The following RPS6KA2 variants were observed in gnomAD, a reference collection of about 807,000 sequenced individuals.
RPS6KA2 encodes the protein ribosomal protein S6 kinase alpha-2.
A neutral mutation model predicts 91.8 loss-of-function variants in RPS6KA2; 42 were observed. That is an observed-to-expected ratio of 0.46 (90% confidence interval 0.36 to 0.59). The LOEUF is 0.59. Ranked by LOEUF, RPS6KA2 falls within the 20% of genes least tolerant of loss-of-function variation. The probability of loss-of-function intolerance (pLI) is 0.00; values close to 1 mark genes in which losing one functional copy is unlikely to be tolerated. For synonymous variants in RPS6KA2, 414 were observed against 393.6 expected (o/e 1.05, Z -0.61); for missense variants, 798 against 978.5 (o/e 0.82, Z 2.46).
chr6:166,794,323 T>C (rs1413405897), intron 2 of RPS6KA2, among the ~76,000 whole-genome samples: 3 of 151,992 alleles, frequency 2.0e-5, no homozygotes, highest in African/African-American at 7.2e-5. Flanking sequence ...TCATACCAGT[T>C]AGAATGGCGA....
At chr6:166,823,870 G>A (rs1779966470) in intron 2 of RPS6KA2, among the ~76,000 whole-genome samples, 1 of 152,146 alleles carries the variant, frequency 6.6e-6, no homozygotes, top group Non-Finnish European at 1.5e-5. Flanking sequence ...CCACATGTTA[G>A]GGAAGACATA....
chr6:166,530,161 A>G (rs1783215079), intron 3 of RPS6KA2, among the ~76,000 whole-genome samples: 1 of 152,182 alleles, frequency 6.6e-6, no homozygotes, highest in African/African-American at 2.4e-5. Context: ...ACACTGTTGC[A>G]AGACCTAAAA....
At chr6:166,751,713 T>C (rs1791289925) in intron 2 of RPS6KA2, among the ~76,000 whole-genome samples, 1 of 152,256 alleles carries the variant, frequency 6.6e-6, no homozygotes, top group African/African-American at 2.4e-5. Flanking sequence ...GATCAAACTT[T>C]GCACCATTCG....
In RPS6KA2 at chr6:166,411,279, T is replaced by C. The variant is rs1250637840; in HGVS notation, c.*1483A>G. On this transcript the variant is annotated 3_prime_UTR_variant, in exon 21 of 21. Coordinates refer to ENST00000265678, the MANE Select transcript of RPS6KA2 (RefSeq NM_021135.6). This position sits in a 1 kb window ranked among gnomAD's most constrained non-coding sequence, Gnocchi z 4.5. ...GGAGGGGGAACAAAACCCAACAAAA[T>C]AACATCTTCTTAGGGAAAACCTGGC... is the stretch of plus-strand genomic sequence containing the variant. The C allele has an allele frequency of 6.6e-6, 1 of 151,620 alleles. No individual in the cohort carries two copies. Among genetic ancestry groups the C allele is most frequent in the African/African-American group, 2.4e-5 (1 of 41,208 alleles). The allele number at this position is 151,620 out of a possible 1,614,324, so 9.4% of individuals were successfully genotyped here. A position where few individuals can be genotyped will look rare whatever the true frequency, so the allele number is the denominator to read the frequency against.
chr6:166,703,277 C>A (rs1789582140), intron 2 of RPS6KA2, among the ~76,000 whole-genome samples: 1 of 152,230 alleles, frequency 6.6e-6, no homozygotes, highest in Non-Finnish European at 1.5e-5. Flanking sequence ...ACTATGGGAA[C>A]AGCTAGAAAC....
intron 2 of RPS6KA2, among the ~76,000 whole-genome samples, chr6:166,848,849 T>C (rs1386220201): frequency 6.6e-6 from 1 of 152,056 alleles, no homozygotes; most frequent in East Asian, 1.9e-4. Context: ...AAATCACCAC[T>C]AAAGAACTTA....
At chr6:166,450,790 G>C (rs1285586735) in intron 13 of RPS6KA2, among the ~76,000 whole-genome samples, 1 of 151,672 alleles carries the variant, frequency 6.6e-6, no homozygotes, top group Non-Finnish European at 1.5e-5. Flanking sequence ...GCCACCATGG[G>C]AGTATCCATG....
intron 2 of RPS6KA2, among the ~76,000 whole-genome samples, chr6:166,783,041 C>G (rs1449878151): frequency 6.8e-6 from 1 of 146,550 alleles, no homozygotes; most frequent in Non-Finnish European, 1.5e-5. Context: ...TGCAGGGTAT[C>G]TTTTAGGTAT....
chr6:166,501,356 C>T (rs1272171173), intron 6 of RPS6KA2, among the ~76,000 whole-genome samples: 1 of 152,224 alleles, frequency 6.6e-6, no homozygotes, highest in African/African-American at 2.4e-5. Flanking sequence ...CAAAGACCCC[C>T]TTCTTCTCCC....
In RPS6KA2 at chr6:166,431,471, GCA is replaced by G. The variant is rs148307272; in HGVS notation, c.1423-862_1423-861del. Among the ~76,000 whole-genome samples, 21 of 152,358 alleles carry G rather than the reference GCA, an allele frequency of 1.4e-4. No individual in the cohort carries two copies. The East Asian group carries it at 4.0e-3, about 29-fold the overall frequency. On this transcript the variant is annotated intron_variant, in intron 15 of 20. Transcript: ENST00000265678. ...AGCACTGAGTGGCCAGGCGCTGGGA[GCA>G]CAGAGAGGCTAGGCAGAGTCCAGGG...
intron 2 of RPS6KA2, among the ~76,000 whole-genome samples, chr6:166,669,184 G>C (rs185445510): frequency 2.0e-5 from 3 of 152,094 alleles, no homozygotes; most frequent in Non-Finnish European, 4.4e-5. Context: ...ATGAGCCCCC[G>C]TGCCTGGCCA....
At chr6:166,748,607 T>TCCTCAGGCCCCCA (rs1562416256) in intron 2 of RPS6KA2, among the ~76,000 whole-genome samples, 1 of 33,002 alleles carries the variant, frequency 3.0e-5, no homozygotes, top group African/African-American at 1.5e-4. Flanking sequence ...CAGGCCCCCA[T>TCCTCAGGCCCCCA]TTCCCTGGGC....
intron 2 of RPS6KA2, among the ~76,000 whole-genome samples, chr6:166,698,890 A>G (rs1466499645): frequency 2.0e-5 from 3 of 152,238 alleles, no homozygotes; most frequent in Non-Finnish European, 4.4e-5. Context: ...TTAAGTTTCC[A>G]GGATGACAAA....
At chr6:166,592,941 C>T (rs1376099436) in intron 1 of RPS6KA2, among the ~76,000 whole-genome samples, 4 of 152,178 alleles carry the variant, frequency 2.6e-5, no homozygotes, top group Non-Finnish European at 5.9e-5. Flanking sequence ...GTTTGAAACT[C>T]GAATTCAACA....
In RPS6KA2 at chr6:166,661,389, C is replaced by T. The variant is rs4710076; in HGVS notation, c.124-122605G>A. Among the ~76,000 whole-genome samples the T allele has an allele frequency of 7.2e-3, 1,093 of 152,170 alleles. 33 individuals carry two copies. In the East Asian group the frequency reaches 0.1, roughly 14 times the overall value. On this transcript the variant is annotated intron_variant, in intron 2 of 21. Transcript: ENST00000503859. ...TTCTAGGATTATAGGCATGAGCCAC[C>T]GCTGTATGGCCAAAATCTTTTACTA...
At chr6:166,420,035 T>A in intron 17 of RPS6KA2, 77 bp from the exon 18 acceptor site, 2 of 1,388,132 alleles carry the variant, frequency 1.4e-6, no homozygotes, top group East Asian at 4.7e-5. Context: ...TCCAGCGGCA[T>A]CCTACGCCGG....
At chr6:166,516,451 C>A (rs917520231) in intron 3 of RPS6KA2, among the ~76,000 whole-genome samples, 2 of 152,114 alleles carry the variant, frequency 1.3e-5, no homozygotes, top group Non-Finnish European at 2.9e-5. Context: ...AGTGACTGCA[C>A]ACAGTGGGAG....
chr6:166,649,544 A>G (rs571527755), intron 2 of RPS6KA2, among the ~76,000 whole-genome samples: 1 of 152,314 alleles, frequency 6.6e-6, no homozygotes, highest in East Asian at 1.9e-4. Flanking sequence ...ATGAGAGCCT[A>G]ATGTCACCCT....
intron 2 of RPS6KA2, among the ~76,000 whole-genome samples, chr6:166,847,911 G>A (rs1780645978): frequency 7.1e-6 from 1 of 140,620 alleles, no homozygotes; most frequent in South Asian, 2.9e-4. Flanking sequence ...ATAAATAGAT[G>A]GGACTTAATT....
Sources: allele counts gnomAD v4.1 joint callset (sites outside exome capture counted in the v4.1 genomes callset), GRCh38; gene constraint gnomAD v4.1.1; non-coding constraint Gnocchi (gnomAD v3.1); transcripts MANE v1.5; gene names NCBI Gene and HGNC (gene_info 2026-07-23, HGNC 2026-07-21).